The following RNF175 variants were observed in gnomAD, a reference collection of about 807,000 sequenced individuals.
The protein encoded by RNF175 is ring finger protein 175.
RNF175 carries 38 observed loss-of-function variants against 50.0 expected under a neutral mutation model. The observed-to-expected ratio is 0.76, with a 90% CI of 0.59 to 1.00. RNF175 has a LOEUF of 1.00. Ranked by LOEUF, RNF175 falls within the 50% of genes least tolerant of loss-of-function variation. The probability of loss-of-function intolerance (pLI) is 0.00; values close to 1 mark genes in which losing one functional copy is unlikely to be tolerated. For synonymous variants in RNF175, 155 were observed against 146.1 expected (o/e 1.06, Z -0.44); for missense variants, 388 against 409.6 (o/e 0.95, Z 0.46).
chr4:153,730,283 A>T (rs1304547820), intron 3 of RNF175, among the ~76,000 whole-genome samples: 1 of 152,128 alleles, frequency 6.6e-6, no homozygotes, highest in Non-Finnish European at 1.5e-5. Flanking sequence ...TGTCTCTACA[A>T]AAATTAGCCA....
intron 1 of RNF175, among the ~76,000 whole-genome samples, chr4:153,757,249 A>C (rs1477836355): frequency 1.3e-5 from 2 of 152,094 alleles, no homozygotes; most frequent in Non-Finnish European, 1.5e-5. Flanking sequence ...TGCATTGTTG[A>C]TGACTTATTT....
chr4:153,728,236 G>A lies in RNF175; in HGVS notation c.372C>T (p.Thr124=), dbSNP rs1377688884. 1 of 1,613,372 alleles carries A rather than the reference G, an allele frequency of 6.2e-7. No homozygotes were observed. The highest frequency in any genetic ancestry group is 2.2e-5 in the East Asian group (1 of 44,840). The change falls in exon 4 of 9, where the codon ACC becomes ACT. Residue 124 remains threonine (T), a synonymous_variant. Coordinates refer to ENST00000347063, the MANE Select transcript of RNF175 (RefSeq NM_173662.4). ...GTGTCCTTCCTGAGAGGGGTTTTCG[G>A]GTAGCTCTGAAGAGGATGTAACTGG... ...VITSYILFRA[T]RKPLSGRTPR...
At chr4:153,716,202 A>G (rs1390783059) in intron 6 of RNF175, among the ~76,000 whole-genome samples, 1 of 152,204 alleles carries the variant, frequency 6.6e-6, no homozygotes, top group Non-Finnish European at 1.5e-5. Context: ...AAAGGGACCC[A>G]AAGCACATTG....
intron 4 of RNF175, among the ~76,000 whole-genome samples, chr4:153,725,309 G>C (rs190717806): frequency 5.8e-4 from 88 of 152,282 alleles, no homozygotes; most frequent in African/African-American, 1.9e-3. Context: ...GAGCAGTTTA[G>C]ATCATTGCTC....
intron 1 of RNF175, among the ~76,000 whole-genome samples, chr4:153,754,156 C>A (rs1236502799): frequency 8.7e-6 from 1 of 114,358 alleles, no homozygotes; most frequent in African/African-American, 3.4e-5. Context: ...GGTGACAGAG[C>A]AAGACTCCGT....
chr4:153,720,962 T>C (rs1366856263), intron 5 of RNF175, among the ~76,000 whole-genome samples: 1 of 152,186 alleles, frequency 6.6e-6, no homozygotes, highest in African/African-American at 2.4e-5. Context: ...ACTTTACATG[T>C]GAAAACATGG....
intron 1 of RNF175, among the ~76,000 whole-genome samples, chr4:153,755,289 A>G (rs7686406): frequency 0.97 from 148,504 of 152,372 alleles, 72,485 homozygotes; most frequent in East Asian, 1. Context: ...TTCTCCCTAC[A>G]AAAAGGCCCA....
chr4:153,710,359 GTCT>G lies in RNF175; in HGVS notation c.*7_*9del. ...AACCATGCAGTATGTTGCTTCTGGG[GTCT>G]GCTGTCCTATTCCAGCCCTAGTGAA... is the stretch of plus-strand genomic sequence containing the variant. On this transcript the variant is annotated 3_prime_UTR_variant, in exon 9 of 9. Coordinates refer to ENST00000347063, the MANE Select transcript of RNF175 (RefSeq NM_173662.4). 1 of 1,546,810 alleles carries G rather than the reference GTCT, an allele frequency of 6.5e-7. No individual in the cohort carries two copies. Among genetic ancestry groups the G allele is most frequent in the Non-Finnish European group, 8.7e-7 (1 of 1,143,184 alleles).
Position 153,723,346 on chromosome 4 carries a change from C to T in RNF175, c.509+5G>A, listed in dbSNP as rs560274605. 1.4e-4 allele frequency: 199 copies of T among 1,422,560 alleles called. No individual in the cohort carries two copies. In the South Asian group the frequency reaches 2.1e-3, roughly 15 times the overall value. 88.1% of individuals were successfully genotyped at this position (1,422,560 alleles called of 1,614,324 possible). A position where few individuals can be genotyped will look rare whatever the true frequency, so the allele number is the denominator to read the frequency against. On this transcript the variant is annotated splice_donor_5th_base_variant and intron_variant, in intron 5 of 8. Coordinates refer to ENST00000347063, the MANE Select transcript of RNF175 (RefSeq NM_173662.4). ...GATATTAATGTCTTAATTGGAGATA[C>T]TTACTTGAAAAACAGATTGAATCCA...
chr4:153,742,803 AT>A (rs1739744458), intron 3 of RNF175, among the ~76,000 whole-genome samples: 1 of 150,286 alleles, frequency 6.7e-6, no homozygotes, highest in African/African-American at 2.4e-5. Flanking sequence ...ATATATAGTA[AT>A]TTTATGTATA....
chr4:153,751,368 A>AT (rs1740281826), intron 2 of RNF175, 70 bp downstream of exon 2: 4 of 1,114,904 alleles, frequency 3.6e-6, no homozygotes, highest in Non-Finnish European at 5.2e-6. Context: ...GACTTCATTC[A>AT]TTTTCTCAAC....
chr4:153,732,415 A>G (rs1739094290), intron 3 of RNF175, among the ~76,000 whole-genome samples: 1 of 152,166 alleles, frequency 6.6e-6, no homozygotes, highest in African/African-American at 2.4e-5. Context: ...TGTTATATAC[A>G]TATGTATTTA....
chr4:153,718,989 G>T lies in RNF175; in HGVS notation c.630+1195C>A, dbSNP rs1457721102. Among the ~76,000 whole-genome samples, 4 of 152,022 alleles carry T rather than the reference G, an allele frequency of 2.6e-5. No homozygotes were observed. The South Asian group carries it at 8.3e-4, about 32-fold the overall frequency. On this transcript the variant is annotated intron_variant, in intron 6 of 8. Coordinates refer to ENST00000347063, the MANE Select transcript of RNF175 (RefSeq NM_173662.4). The stretch of plus-strand genomic sequence containing the variant: ...AAATTAAATTTAATTTAAAATTCCA[G>T]GATACACATGCAGGTTTGTTGCATA...
chr4:153,753,744 A>G (rs1040838444), intron 1 of RNF175, among the ~76,000 whole-genome samples: 3 of 151,626 alleles, frequency 2.0e-5, no homozygotes, highest in African/African-American at 7.3e-5. Context: ...TTTTTAGTAG[A>G]GACGGGGTTT....
At chr4:153,754,207 TTGAG>T (rs1313112774) in intron 1 of RNF175, among the ~76,000 whole-genome samples, 3 of 150,346 alleles carry the variant, frequency 2.0e-5, no homozygotes, top group Non-Finnish European at 4.4e-5. Context: ...TGGTAACTGA[TTGAG>T]TGAGTAGACC....
At chr4:153,717,589 G>T (rs867254598) in intron 6 of RNF175, among the ~76,000 whole-genome samples, 1 of 151,724 alleles carries the variant, frequency 6.6e-6, no homozygotes, top group Non-Finnish European at 1.5e-5. Flanking sequence ...ATCTATCCAT[G>T]TATATCTATA....
At chr4:153,758,295 A>G (rs1341047728) in intron 1 of RNF175, among the ~76,000 whole-genome samples, 1 of 152,196 alleles carries the variant, frequency 6.6e-6, no homozygotes, top group East Asian at 1.9e-4. Flanking sequence ...GCGGATTTCA[A>G]TTCAGTGGGT....
At position 153,719,357 on chromosome 4, in the gene RNF175, G is replaced by T. The variant is rs112079777; in HGVS notation, c.630+827C>A. The stretch of plus-strand genomic sequence containing the variant: ...CACTTTCTTTTTCCAGTCTATCATT[G>T]ATGGGTTGTTTCCATGTCTTTGCTT... On this transcript the variant is annotated intron_variant, in intron 6 of 8. Coordinates refer to ENST00000347063, the MANE Select transcript of RNF175 (RefSeq NM_173662.4). 7.5e-3 allele frequency among the ~76,000 whole-genome samples: 1,140 copies of T among 152,216 alleles called. 7 individuals are homozygous for T. Among genetic ancestry groups the T allele is most frequent in the Non-Finnish European group, 9.2e-3 (628 of 68,002 alleles).
In RNF175 at chr4:153,730,118, C is replaced by T. The variant is rs554702823; in HGVS notation, c.247-1757G>A. On this transcript the variant is annotated intron_variant, in intron 3 of 8. Coordinates refer to ENST00000347063, the MANE Select transcript of RNF175 (RefSeq NM_173662.4). Reference sequence around the variant, plus strand: ...AAGATGTGCTTACTTAAGCATTCAGCAACTTTGACCCTCTGCTATTGACAG... The same window carrying T: ...AAGATGTGCTTACTTAAGCATTCAGTAACTTTGACCCTCTGCTATTGACAG... 3.3e-5 allele frequency among the ~76,000 whole-genome samples: 5 copies of T among 152,334 alleles called. No individual in the cohort carries two copies. In the East Asian group the frequency reaches 9.6e-4, roughly 29 times the overall value.
Sources: gnomAD v4.1 joint callset for allele counts (sites outside exome capture counted in the v4.1 genomes callset) on GRCh38, gnomAD v4.1.1 for gene constraint, MANE v1.5 for transcripts, NCBI Gene and HGNC (gene_info 2026-07-23, HGNC 2026-07-21) for gene names.